Variants in ZC3H12B observed in about 807,000 individuals in gnomAD.
ZC3H12B encodes probable ribonuclease ZC3H12B.
ZC3H12B carries 7 observed loss-of-function variants against 43.9 expected under a neutral mutation model. That is an observed-to-expected ratio of 0.16 (90% CI 0.09 to 0.30). The LOEUF is 0.30. Among genes scored for constraint, ZC3H12B ranks in the 10% least tolerant of loss-of-function variants. ZC3H12B has a pLI of 1.00. For synonymous variants in ZC3H12B, 222 were observed against 241.7 expected (o/e 0.92, Z 0.76); for missense variants, 475 against 670.2 (o/e 0.71, Z 3.22).
chrX:65,130,809 A>G, the ZC3H12B span, among the ~76,000 whole-genome samples: 3 of 109,422 alleles, frequency 2.7e-5, no homozygotes, highest in Non-Finnish European at 3.8e-5. Flanking sequence ...GGGAGGGACC[A>G]ATGAGAAGGA....
chrX:65,333,934 A>C, the ZC3H12B span, among the ~76,000 whole-genome samples: 2 of 111,777 alleles, frequency 1.8e-5, no homozygotes, highest in African/African-American at 6.5e-5. Flanking sequence ...GTTTCTCACA[A>C]ATTAGGAACA....
chrX:65,170,488 T>A, the ZC3H12B span, among the ~76,000 whole-genome samples: 2 of 111,697 alleles, frequency 1.8e-5, no homozygotes. Context: ...TTTTCAACTT[T>A]GGTGAATCTG....
chrX:65,308,812 T>C, the ZC3H12B span, among the ~76,000 whole-genome samples: 4 of 111,741 alleles, frequency 3.6e-5, no homozygotes, highest in Admixed American at 9.5e-5. Flanking sequence ...AACAATCAAA[T>C]TAGAACTCAG....
chrX:65,189,529 G>C, the ZC3H12B span, among the ~76,000 whole-genome samples: 1 of 108,901 alleles, frequency 9.2e-6, no homozygotes, highest in African/African-American at 3.4e-5. Flanking sequence ...GTTTTGATTT[G>C]CATTTCTCTG....
At chrX:65,178,635 A>G in the ZC3H12B span, among the ~76,000 whole-genome samples, 43 of 112,831 alleles carry the variant, frequency 3.8e-4, no homozygotes, top group Admixed American at 3.5e-3. Flanking sequence ...TAAGACATTT[A>G]TGCTGCCAAG....
At chrX:65,388,689 C>A (rs1263603196) in intron 2 of ZC3H12B, among the ~76,000 whole-genome samples, 2 of 112,071 alleles carry the variant, frequency 1.8e-5, no homozygotes, top group African/African-American at 6.5e-5. Context: ...TGGTGAGGAG[C>A]TGCATTCCTT....
At chrX:65,177,466 G>A in the ZC3H12B span, among the ~76,000 whole-genome samples, 71 of 111,952 alleles carry the variant, frequency 6.3e-4, no homozygotes, top group Middle Eastern at 4.6e-3. Context: ...GGGTATTCAA[G>A]TAGGAAGAGA....
chrX:65,214,609 C>G, the ZC3H12B span, among the ~76,000 whole-genome samples: 1 of 111,440 alleles, frequency 9.0e-6, no homozygotes, highest in African/African-American at 3.3e-5. Flanking sequence ...CTATTTCTAC[C>G]ACATCTTCAG....
intron 3 of ZC3H12B, among the ~76,000 whole-genome samples, chrX:65,439,152 A>G (rs2067268870): frequency 1.8e-5 from 2 of 112,354 alleles, no homozygotes; most frequent in Non-Finnish European, 3.8e-5. Context: ...AGCTCCTTCA[A>G]GCACTCCAGT....
At chrX:65,229,185 G>C in the ZC3H12B span, among the ~76,000 whole-genome samples, 2 of 110,734 alleles carry the variant, frequency 1.8e-5, no homozygotes, top group Non-Finnish European at 3.8e-5. Flanking sequence ...CCAAAACAGA[G>C]ATATAGATCA....
At chrX:65,073,948 G>A in the ZC3H12B span, among the ~76,000 whole-genome samples, 1 of 111,879 alleles carries the variant, frequency 8.9e-6, no homozygotes, top group Admixed American at 9.4e-5. Flanking sequence ...GATCTGCTAG[G>A]AGTGCGCCAG....
the ZC3H12B span, among the ~76,000 whole-genome samples, chrX:65,335,211 T>C: frequency 1.8e-5 from 2 of 112,018 alleles, no homozygotes; most frequent in Non-Finnish European, 3.8e-5. Flanking sequence ...CAGGGTTTCA[T>C]AAGGAAGACA....
At chrX:65,349,157 CA>C in the ZC3H12B span, among the ~76,000 whole-genome samples, 1 of 110,985 alleles carries the variant, frequency 9.0e-6, no homozygotes. Flanking sequence ...GAATGGAAAT[CA>C]TAACAGTCTC....
At chrX:65,195,060 G>A in the ZC3H12B span, among the ~76,000 whole-genome samples, 1 of 103,576 alleles carries the variant, frequency 9.7e-6, no homozygotes, top group African/African-American at 3.6e-5. Context: ...CTTTAAAGAT[G>A]CAGTGTATTT....
chrX:65,448,993 G>GAAAGAAAGAAAGAAAGAAAGAA (rs1569412222), intron 3 of ZC3H12B, among the ~76,000 whole-genome samples: 591 of 30,761 alleles, frequency 0.019, 15 homozygotes, highest in African/African-American at 0.063. Context: ...AAGAAAGAAA[G>GAAAGAAAGAAAGAAAGAAAGAA]AGAGGAAAGA....
the ZC3H12B span, among the ~76,000 whole-genome samples, chrX:65,142,872 A>T: frequency 8.9e-6 from 1 of 112,326 alleles, no homozygotes; most frequent in Non-Finnish European, 1.9e-5. Context: ...CTATTTTTAT[A>T]CCAGTACCAT....
the ZC3H12B span, among the ~76,000 whole-genome samples, chrX:65,128,106 C>G: frequency 8.9e-6 from 1 of 112,068 alleles, no homozygotes; most frequent in Non-Finnish European, 1.9e-5. Context: ...ATGTCAGTCT[C>G]CACATGCTGC....
In ZC3H12B at chrX:65,434,003, A is replaced by G. The variant is rs189568632; in HGVS notation, n.407+35299A>G. Among the ~76,000 whole-genome samples, 47 of 111,887 alleles carry G rather than the reference A, an allele frequency of 4.2e-4. 1 individual carries two copies. The highest frequency in any genetic ancestry group is 1.5e-3 in the African/African-American group (45 of 30,837). ...CTATTTCACTTCCAGTAATACCATG[A>G]TCGATGCCATAGATCCATGTAAGTC... On this transcript the variant is annotated intron_variant and non_coding_transcript_variant, in intron 3 of 5. Coordinates refer to the ZC3H12B transcript ENST00000617377.
At chrX:65,450,357 ATG>A (rs1319552771) in intron 3 of ZC3H12B, among the ~76,000 whole-genome samples, 1 of 82,769 alleles carries the variant, frequency 1.2e-5, no homozygotes, top group African/African-American at 4.6e-5. Context: ...GTGTATATAT[ATG>A]TGTGTATATA....
Sources: allele counts gnomAD v4.1 joint callset (sites outside exome capture counted in the v4.1 genomes callset), GRCh38; gene constraint gnomAD v4.1.1; transcripts MANE v1.5; gene names NCBI Gene and HGNC (gene_info 2026-07-23, HGNC 2026-07-21).